GFRAL: variants seen among roughly 807,000 people sequenced by gnomAD.
The protein encoded by GFRAL is GDNF family receptor alpha like, also known as GDNF family receptor alpha-like.
A neutral mutation model predicts 45.4 loss-of-function variants in GFRAL; 36 were observed. The observed-to-expected ratio is 0.79, with a 90% CI of 0.61 to 1.05. The LOEUF (loss-of-function observed/expected upper bound fraction) is 1.05. GFRAL is among the 50% of genes least tolerant of loss of function. The pLI is 0.00. For missense variants in GFRAL, 507 were observed against 467.5 expected, an observed-to-expected ratio of 1.08 and a Z score of -0.78; for synonymous variants, 166 against 154.1, an observed-to-expected ratio of 1.08 and a Z score of -0.57.
chr6:55,330,326 A>G (rs554735088), intron 1 of GFRAL, among the ~76,000 whole-genome samples: 1 of 152,278 alleles, frequency 6.6e-6, no homozygotes, highest in South Asian at 2.1e-4. Context: ...AAATACAGTT[A>G]TAAATTATCC....
intron 6 of GFRAL, among the ~76,000 whole-genome samples, chr6:55,372,130 T>C (rs1421647452): frequency 6.6e-6 from 1 of 152,212 alleles, no homozygotes; most frequent in Non-Finnish European, 1.5e-5. Context: ...TTTCTTGATA[T>C]ACTCCCCTCA....
chr6:55,392,953 C>T (rs1253516734), intron 6 of GFRAL, among the ~76,000 whole-genome samples: 3 of 151,992 alleles, frequency 2.0e-5, no homozygotes, highest in African/African-American at 4.8e-5. Context: ...GCTTGGCTCC[C>T]AGAAAAACAT....
chr6:55,394,412 A>G (rs1459441201), intron 6 of GFRAL, among the ~76,000 whole-genome samples: 2 of 152,172 alleles, frequency 1.3e-5, no homozygotes, highest in African/African-American at 4.8e-5. Flanking sequence ...GAAGTTGAAG[A>G]CAGCAGAAGA....
At chr6:55,351,991 C>T (rs896327381) in intron 5 of GFRAL, among the ~76,000 whole-genome samples, 1 of 151,784 alleles carries the variant, frequency 6.6e-6, no homozygotes, top group African/African-American at 2.4e-5. Flanking sequence ...GAAATAAATT[C>T]TTTCTGTCTT....
chr6:55,351,245 G>A lies in GFRAL; in HGVS notation c.371-8G>A, dbSNP rs1281923966. The A allele has an allele frequency of 1.9e-6, 3 of 1,566,294 alleles. No individual in the cohort carries two copies. The highest frequency in any genetic ancestry group is 1.8e-5 in the Admixed American group (1 of 56,096). On this transcript the variant is annotated splice_region_variant and splice_polypyrimidine_tract_variant and intron_variant, in intron 4 of 8. Transcript: ENST00000340465. ...TTTTCCACGACCTGGGCATATCATTGCTTTCAGGATTCAAAGGGATGTGGT... is the reference window on the plus strand; with the variant it reads ...TTTTCCACGACCTGGGCATATCATTACTTTCAGGATTCAAAGGGATGTGGT...
chr6:55,400,665 C>T (rs555791676), intron 8 of GFRAL, among the ~76,000 whole-genome samples: 2,587 of 152,058 alleles, frequency 0.017, 40 homozygotes, highest in South Asian at 0.034. Context: ...TTCTCCAAGG[C>T]CTTAAAAGTT....
intron 4 of GFRAL, among the ~76,000 whole-genome samples, chr6:55,351,016 C>T (rs1417577840): frequency 6.6e-6 from 1 of 152,086 alleles, no homozygotes; most frequent in Non-Finnish European, 1.5e-5. Context: ...GCCCAGCACG[C>T]TTCCCATCAC....
intron 6 of GFRAL, 79 bp from the exon 7 acceptor site, chr6:55,399,101 A>T: frequency 1.4e-6 from 1 of 697,120 alleles, no homozygotes; most frequent in South Asian, 2.6e-5. Context: ...CTGCCTTAAA[A>T]GATAAAGCAA....
intron 6 of GFRAL, among the ~76,000 whole-genome samples, 197 bp from the exon 7 acceptor site, chr6:55,398,983 G>A (rs550895537): frequency 3.8e-4 from 58 of 151,900 alleles, no homozygotes; most frequent in East Asian, 7.7e-4. Flanking sequence ...GCTTATACAC[G>A]GAAATTACCT....
intron 6 of GFRAL, among the ~76,000 whole-genome samples, chr6:55,376,676 G>A (rs1768539248): frequency 1.3e-5 from 2 of 151,708 alleles, no homozygotes; most frequent in Non-Finnish European, 2.9e-5. Context: ...TATTTCTCTG[G>A]GGTCAGTGGT....
At chr6:55,349,810 C>G (rs142097141) in intron 3 of GFRAL, among the ~76,000 whole-genome samples, 130 of 150,514 alleles carry the variant, frequency 8.6e-4, no homozygotes, top group Non-Finnish European at 1.8e-3. Context: ...TTGTTTACTC[C>G]GTGCACACAG....
intron 3 of GFRAL, among the ~76,000 whole-genome samples, chr6:55,347,834 CT>C (rs1313853239): frequency 1.3e-5 from 2 of 151,994 alleles, no homozygotes; most frequent in Non-Finnish European, 2.9e-5. Context: ...TCTTCTTTTG[CT>C]TTTGCTTTAA....
intron 3 of GFRAL, among the ~76,000 whole-genome samples, chr6:55,336,514 T>C (rs1767893125): frequency 6.6e-6 from 1 of 152,214 alleles, no homozygotes; most frequent in Admixed American, 6.5e-5. Context: ...CAAATGGTAA[T>C]TTATTTTACA....
At chr6:55,359,440 A>T (rs1230367057) in intron 6 of GFRAL, among the ~76,000 whole-genome samples, 2 of 152,054 alleles carry the variant, frequency 1.3e-5, no homozygotes, top group African/African-American at 2.4e-5. Flanking sequence ...TATATCAAGT[A>T]TCAATTGCTG....
chr6:55,383,730 G>A (rs1310223148), intron 6 of GFRAL, among the ~76,000 whole-genome samples: 1 of 151,906 alleles, frequency 6.6e-6, no homozygotes. Flanking sequence ...CGTCTACTGG[G>A]AAATAGACTA....
chr6:55,389,574 C>T (rs1768722089), intron 6 of GFRAL, among the ~76,000 whole-genome samples: 2 of 151,988 alleles, frequency 1.3e-5, no homozygotes, highest in Admixed American at 6.6e-5. Context: ...TATTATTATC[C>T]TAAAATTTTC....
Position 55,343,339 on chromosome 6 carries a change from G to A in GFRAL, c.317-6753G>A, listed in dbSNP as rs889180227. On this transcript the variant is annotated intron_variant, in intron 3 of 8. Coordinates refer to ENST00000340465, the MANE Select transcript of GFRAL (RefSeq NM_207410.2). ...TATAACAAACTGTCTCTCAGACCAC[G>A]GTGCAATCAAACTAGAACTCAGGAT... Among the ~76,000 whole-genome samples, 12 of 152,106 alleles carry A rather than the reference G, an allele frequency of 7.9e-5. No individual in the cohort carries two copies. In the East Asian group the frequency reaches 1.2e-3, roughly 15 times the overall value.
chr6:55,331,822 G>C lies in GFRAL; in HGVS notation c.130G>C (p.Val44Leu). 6.2e-7 allele frequency: 1 copy of C among 1,610,674 alleles called. No homozygotes were observed. The highest frequency in any genetic ancestry group is 2.2e-5 in the East Asian group (1 of 44,552). ...AAATGGATGTAAACATGCTTGGAGAGTAATGGAAGATGCCTGCAATGATTC... is the reference window on the plus strand; with the variant it reads ...AAATGGATGTAAACATGCTTGGAGACTAATGGAAGATGCCTGCAATGATTC... The part of the protein sequence containing the change: ...DANGCKHAWR[V>L]MEDACNDSDP... The change falls in exon 2 of 9, where the codon GTA becomes CTA. Residue 44 changes from valine (V) to leucine (L), a missense_variant. Val to Leu is a conservative substitution (Grantham distance 32, BLOSUM62 1). Coordinates refer to ENST00000340465, the MANE Select transcript of GFRAL (RefSeq NM_207410.2).
intron 6 of GFRAL, among the ~76,000 whole-genome samples, chr6:55,362,621 A>G (rs1267808271): frequency 6.6e-6 from 1 of 152,024 alleles, no homozygotes; most frequent in Non-Finnish European, 1.5e-5. Flanking sequence ...TGGTTAAGAG[A>G]CAGAGGACCA....
Sources: allele counts gnomAD v4.1 joint callset (sites outside exome capture counted in the v4.1 genomes callset), GRCh38; gene constraint gnomAD v4.1.1; transcripts MANE v1.5; gene names NCBI Gene and HGNC (gene_info 2026-07-23, HGNC 2026-07-21).